Variants in CEP135 observed in about 807,000 individuals in gnomAD.
CEP135 encodes the protein centrosomal protein 135, also known as centrosomal protein of 135 kDa.
CEP135 carries 142 observed loss-of-function variants against 157.3 expected under a neutral mutation model. The observed-to-expected ratio is 0.90, with a 90% CI of 0.79 to 1.04. The LOEUF is 1.04. CEP135 is among the 50% of genes least tolerant of loss of function. The probability of loss-of-function intolerance (pLI) is 0.00; values close to 1 mark genes in which losing one functional copy is unlikely to be tolerated. For missense variants in CEP135, 1,317 were observed against 1,309.2 expected (o/e 1.01, Z -0.09); for synonymous variants, 396 against 439.8 (o/e 0.90, Z 1.25).
intron 8 of CEP135, among the ~76,000 whole-genome samples, chr4:55,968,851 G>A (rs1728925570): frequency 6.6e-6 from 1 of 152,120 alleles, no homozygotes; most frequent in South Asian, 2.1e-4. Flanking sequence ...TTCTTCAGAT[G>A]TTACAAGTAG....
chr4:56,017,775 T>G lies in CEP135; in HGVS notation c.2930T>G (p.Leu977Arg). The G allele has an allele frequency of 6.2e-7, 1 of 1,613,906 alleles. No homozygotes were observed. Among genetic ancestry groups the G allele is most frequent in the South Asian group, 1.1e-5 (1 of 91,076 alleles). ...ACAGTATTAAATGACTTGTCATCTC[T>G]TAGAGAACTTTGCATTAAACTTGAT... is the stretch of plus-strand genomic sequence containing the variant. Reference protein sequence around the residue: ...KATVLNDLSSLRELCIKLDSG... With the variant: ...KATVLNDLSSRRELCIKLDSG... Residue 977 changes from leucine (L) to arginine (R), a missense_variant, in exon 22 of 26, where the codon CTT becomes CGT. By Grantham distance (102) the Leu-to-Arg change is moderately radical. Coordinates refer to ENST00000257287, the MANE Select transcript of CEP135 (RefSeq NM_025009.5).
chr4:55,991,318 CTTT>C (rs36216484), intron 14 of CEP135, among the ~76,000 whole-genome samples: 2 of 133,618 alleles, frequency 1.5e-5, no homozygotes, highest in African/African-American at 2.7e-5. Context: ...CTGTTTTTTT[CTTT>C]TTTTTTTTTT....
At position 56,019,472 on chromosome 4, in the gene CEP135, A is replaced by G. The variant is rs1730897768; in HGVS notation, c.3132A>G (p.Glu1044=). The change falls in exon 23 of 26, where the codon GAA becomes GAG. Residue 1044 remains glutamate (E), a synonymous_variant. Coordinates refer to ENST00000257287, the MANE Select transcript of CEP135 (RefSeq NM_025009.5). The part of the protein sequence containing the change: ...ESLLATNRDK[E]FHSHLTSHEK... ...TGTTGGCTACAAACAGAGATAAAGA[A>G]TTTCATTCTCACTTAACCTCCCACG... is the stretch of plus-strand genomic sequence containing the variant. 6.2e-7 allele frequency: 1 copy of G among 1,614,084 alleles called. No homozygotes were observed. Among genetic ancestry groups the G allele is most frequent in the African/African-American group, 1.3e-5 (1 of 75,070 alleles).
intron 5 of CEP135, among the ~76,000 whole-genome samples, chr4:55,959,455 A>G (rs577324571): frequency 1.3e-5 from 2 of 151,226 alleles, no homozygotes; most frequent in South Asian, 2.1e-4. Context: ...TGCACAGTGT[A>G]TCTGAGTTTC....
At chr4:56,006,484 A>T (rs1730349157) in intron 17 of CEP135, among the ~76,000 whole-genome samples, 1 of 152,090 alleles carries the variant, frequency 6.6e-6, no homozygotes, top group Non-Finnish European at 1.5e-5. Flanking sequence ...AAGTGTGGTG[A>T]TGTGCACCTG....
intron 4 of CEP135, 58 bp from the exon 5 acceptor site, chr4:55,957,165 T>C: frequency 6.4e-7 from 1 of 1,573,676 alleles, no homozygotes; most frequent in Admixed American, 1.8e-5. Context: ...CTGGAATATT[T>C]AATTCTAAGA....
At chr4:56,007,051 A>G (rs1730370806) in intron 17 of CEP135, among the ~76,000 whole-genome samples, 1 of 151,712 alleles carries the variant, frequency 6.6e-6, no homozygotes, top group African/African-American at 2.4e-5. Context: ...GCAACACCAC[A>G]CCTGGCTAAT....
At chr4:56,010,182 C>T (rs1430715915) in intron 19 of CEP135, among the ~76,000 whole-genome samples, 1 of 132,456 alleles carries the variant, frequency 7.5e-6, no homozygotes. Context: ...AAAACCCCCC[C>T]CCCACCCCCA....
intron 11 of CEP135, among the ~76,000 whole-genome samples, chr4:55,978,579 C>T (rs530595118): frequency 6.6e-6 from 1 of 152,314 alleles, no homozygotes; most frequent in South Asian, 2.1e-4. Flanking sequence ...GGGAGAAAGT[C>T]TCACTCTGTC....
At position 55,954,337 on chromosome 4, in the gene CEP135, T is replaced by C; in HGVS notation, c.426T>C (p.Ile142=). 8 of 1,608,300 alleles carry C rather than the reference T, an allele frequency of 5.0e-6. No homozygotes were observed. The highest frequency in any genetic ancestry group is 5.9e-6 in the Non-Finnish European group (7 of 1,178,208). The part of the protein sequence containing the change: ...EKESKAKNER[I]QQLQEKNLHA... ...AGAGCAAAGCTAAGAATGAAAGAAT[T>C]CAACAACTTCAAGAAAAGAATTTGC... Residue 142 remains isoleucine (I), a synonymous_variant, in exon 4 of 26, where the codon ATT becomes ATC. Coordinates refer to ENST00000257287, the MANE Select transcript of CEP135 (RefSeq NM_025009.5).
Position 55,998,723 on chromosome 4 carries a change from G to T in CEP135, c.2010-579G>T, listed in dbSNP as rs571415011. Among the ~76,000 whole-genome samples the T allele has an allele frequency of 3.9e-5, 6 of 152,242 alleles. No homozygotes were observed. In the South Asian group the frequency reaches 1.2e-3, roughly 32 times the overall value. On this transcript the variant is annotated intron_variant, in intron 15 of 25. Coordinates refer to ENST00000257287, the MANE Select transcript of CEP135 (RefSeq NM_025009.5). ...CTACTAAAAATAGAAAAATTAGACA[G>T]GTGTGGTGGTCCATGTCTGTAGTCC...
intron 2 of CEP135, 165 bp downstream of exon 2, chr4:55,952,408 G>C: frequency 5.5e-6 from 3 of 548,270 alleles, no homozygotes; most frequent in Non-Finnish European, 9.9e-6. Flanking sequence ...CTTCCACACG[G>C]CAGAACTCTA....
intron 21 of CEP135, 50 bp downstream of exon 21, chr4:56,012,035 C>G: frequency 9.4e-7 from 1 of 1,060,138 alleles, no homozygotes; most frequent in Non-Finnish European, 1.3e-6. Context: ...AAACAGAAAA[C>G]ATTCAAAGAT....
At chr4:55,967,380 A>G (rs1490828640) in intron 8 of CEP135, among the ~76,000 whole-genome samples, 1 of 152,200 alleles carries the variant, frequency 6.6e-6, no homozygotes, top group East Asian at 1.9e-4. Flanking sequence ...GCCAGCCCCA[A>G]CATTTCAGAT....
chr4:56,009,408 CGCCTCG>C (rs2109730020), intron 18 of CEP135, among the ~76,000 whole-genome samples: 1 of 152,232 alleles, frequency 6.6e-6, no homozygotes, highest in African/African-American at 2.4e-5. Flanking sequence ...ATGATCTGCC[CGCCTCG>C]GCCTCCCAAA....
At chr4:56,015,526 CAG>C (rs1357821374) in intron 21 of CEP135, among the ~76,000 whole-genome samples, 1 of 152,244 alleles carries the variant, frequency 6.6e-6, no homozygotes, top group Non-Finnish European at 1.5e-5. Context: ...GCTCAGAGAA[CAG>C]AGCACCAGAG....
chr4:55,969,719 A>G (rs573701408), intron 9 of CEP135, among the ~76,000 whole-genome samples: 1 of 152,298 alleles, frequency 6.6e-6, no homozygotes, highest in Admixed American at 6.5e-5. Context: ...TATGTATAGT[A>G]GGTAGCTGCT....
intron 22 of CEP135, 35 bp downstream of exon 22, chr4:56,017,892 A>G: frequency 6.4e-7 from 1 of 1,554,218 alleles, no homozygotes; most frequent in Non-Finnish European, 8.8e-7. Flanking sequence ...ACATTGTTTT[A>G]TTGAGCCCTA....
rs767046480 is a variant in CEP135, at chr4:55,954,339, A to G, written c.428A>G (p.Gln143Arg). ...KESKAKNERI[Q>R]QLQEKNLHAV... ...AGCAAAGCTAAGAATGAAAGAATTC[A>G]ACAACTTCAAGAAAAGAATTTGCAT... Residue 143 changes from glutamine to arginine, a missense_variant, in exon 4 of 26, where the codon CAA (glutamine) becomes CGA (arginine). Transcript: ENST00000257287. 3.1e-6 allele frequency: 5 copies of G among 1,608,634 alleles called. No individual in the cohort carries two copies. In the South Asian group the frequency reaches 5.6e-5, roughly 18 times the overall value.
Sources: allele counts gnomAD v4.1 joint callset (sites outside exome capture counted in the v4.1 genomes callset), GRCh38; gene constraint gnomAD v4.1.1; transcripts MANE v1.5; gene names NCBI Gene and HGNC (gene_info 2026-07-23, HGNC 2026-07-21).